The following NBEAL1 variants were observed in gnomAD, a reference collection of about 807,000 sequenced individuals.
NBEAL1 encodes neurobeachin like 1.
In NBEAL1, 273 loss-of-function variants were observed where a neutral mutation model predicts 351.3. That is an observed-to-expected ratio of 0.78 (90% confidence interval 0.70 to 0.86). The LOEUF is 0.86. NBEAL1 is among the 40% of genes least tolerant of loss of function. The pLI, the probability that NBEAL1 is intolerant of heterozygous loss-of-function variation, is 0.00. For missense variants in NBEAL1, 2,961 were observed against 3,201.3 expected (o/e 0.92, Z 1.81); for synonymous variants, 1,050 against 1,086.4 (o/e 0.97, Z 0.66).
At chr2:203,192,385 ATTT>A (rs753136759) in intron 46 of NBEAL1, among the ~76,000 whole-genome samples, 1 of 144,712 alleles carries the variant, frequency 6.9e-6, no homozygotes, top group African/African-American at 2.5e-5. Flanking sequence ...TTAAAAGATA[ATTT>A]TTTTTTTTTT....
Position 203,062,361 on chromosome 2 carries a change from G to T in NBEAL1, c.515+4908G>T. ...AAATCCAGCAACGCCCACTCCTGAGGGGTGAAGGTTACAGCCACATCCTCA... is the reference window on the plus strand; with the variant it reads ...AAATCCAGCAACGCCCACTCCTGAGTGGTGAAGGTTACAGCCACATCCTCA... On this transcript the variant is annotated intron_variant, in intron 6 of 55. Coordinates refer to ENST00000683969, the MANE Select transcript of NBEAL1 (RefSeq NM_001378026.1). This position sits in a 1 kb window ranked among gnomAD's most constrained non-coding sequence, Gnocchi z 4.2. 1 of 483,186 alleles carries T rather than the reference G, an allele frequency of 2.1e-6. No homozygotes were observed. Among genetic ancestry groups the T allele is most frequent in the South Asian group, 1.5e-5 (1 of 66,108 alleles). 29.9% of individuals were successfully genotyped at this position (483,186 alleles called of 1,614,324 possible).
At chr2:203,127,965 T>C (rs2062981120) in intron 24 of NBEAL1, 28 bp downstream of exon 24, 2 of 1,520,756 alleles carry the variant, frequency 1.3e-6, no homozygotes, top group Non-Finnish European at 1.8e-6. Flanking sequence ...CATCTACTTT[T>C]CCTTTTTAAC....
chr2:203,084,431 T>C, intron 9 of NBEAL1, 32 bp from the exon 10 acceptor site: 1 of 1,230,214 alleles, frequency 8.1e-7, no homozygotes, highest in Non-Finnish European at 1.1e-6. Context: ...ATTTTCATTT[T>C]TACATGGATG....
At chr2:203,096,934 G>T (rs1430993895) in intron 10 of NBEAL1, among the ~76,000 whole-genome samples, 2 of 152,070 alleles carry the variant, frequency 1.3e-5, no homozygotes, top group Non-Finnish European at 2.9e-5. Flanking sequence ...TTTTTTGTGT[G>T]TATTAGTCCA....
chr2:203,015,793 A>G (rs1046265347), intron 1 of NBEAL1: 1 of 152,544 alleles, frequency 6.6e-6, no homozygotes, highest in African/African-American at 2.4e-5. Context: ...GACCAGAACA[A>G]GAACATTCTA....
rs578112017 is a variant in NBEAL1 at position 203,206,812 on chromosome 2, C to T, written c.7507-1825C>T. Among the ~76,000 whole-genome samples the T allele has an allele frequency of 2.1e-3, 325 of 151,482 alleles. 4 individuals carry two copies. Among genetic ancestry groups the T allele is most frequent in the African/African-American group, 7.2e-3 (296 of 41,344 alleles). The stretch of plus-strand genomic sequence containing the variant: ...AGCCTGCCTTGGCCTCCCAAAGTGC[C>T]GAGATTGCAGCCTCTGCCCGGCCGC... On this transcript the variant is annotated intron_variant, in intron 51 of 55. Transcript: ENST00000683969.
chr2:203,054,323 G>C lies in NBEAL1; in HGVS notation c.306-2104G>C, dbSNP rs532621200. ...TGCTTGTAATCCCAGCTACTTGGGA[G>C]GCTGAGGTGGAAGAATCGCTTTAAC... On this transcript the variant is annotated intron_variant, in intron 4 of 55. Transcript: ENST00000683969. Among the ~76,000 whole-genome samples the C allele has an allele frequency of 2.6e-5, 4 of 152,064 alleles. No individual in the cohort carries two copies. The South Asian group carries it at 8.3e-4, about 32-fold the overall frequency.
At position 203,057,382 on chromosome 2, in the gene NBEAL1, T is replaced by A. The variant is rs376359222; in HGVS notation, c.444T>A (p.Phe148Leu). 1.3e-6 allele frequency: 2 copies of A among 1,552,686 alleles called. No individual in the cohort carries two copies. Among genetic ancestry groups the A allele is most frequent in the South Asian group, 2.4e-5 (2 of 84,214 alleles). Residue 148 changes from phenylalanine (F) to leucine (L), a missense_variant, in exon 6 of 56, where the codon TTT (phenylalanine) becomes TTA (leucine). By Grantham distance (22) the Phe-to-Leu change is conservative. Transcript: ENST00000683969. ...CAGATCAGACATGTATTGAAGAATTTGTGATCCACGCATTGGCATTTTGTG... is the reference window on the plus strand; with the variant it reads ...CAGATCAGACATGTATTGAAGAATTAGTGATCCACGCATTGGCATTTTGTG... ...EMADQTCIEE[F>L]VIHALAFCES...
At chr2:203,097,860 C>T (rs543614015) in intron 11 of NBEAL1, among the ~76,000 whole-genome samples, 10 of 152,180 alleles carry the variant, frequency 6.6e-5, no homozygotes, top group African/African-American at 1.9e-4. Context: ...ATTCCCTCTA[C>T]GTGTGTATGG....
rs188602544 is a variant in NBEAL1 at position 203,150,805 on chromosome 2, G to A, written c.5463-660G>A. Among the ~76,000 whole-genome samples, 555 of 152,124 alleles carry A rather than the reference G, an allele frequency of 3.6e-3. 1 individual carries two copies. Among genetic ancestry groups the A allele is most frequent in the Non-Finnish European group, 6.3e-3 (431 of 68,002 alleles). On this transcript the variant is annotated intron_variant, in intron 34 of 55. Transcript: ENST00000683969. ...ATTGGAAATATCAACCATCTGTATA[G>A]CTAATTAAGAACTCCCATTTAACAG...
At chr2:203,195,071 G>A (rs927567074) in intron 47 of NBEAL1, among the ~76,000 whole-genome samples, 2 of 151,612 alleles carry the variant, frequency 1.3e-5, no homozygotes, top group South Asian at 2.1e-4. Context: ...GGTGGTGGAC[G>A]CCTGTAGTCC....
Position 203,145,141 on chromosome 2 carries a change from A to G in NBEAL1, c.5285A>G (p.Glu1762Gly), listed in dbSNP as rs1225396747. 21 of 1,600,472 alleles carry G rather than the reference A, an allele frequency of 1.3e-5. No homozygotes were observed. The highest frequency in any genetic ancestry group is 2.7e-5 in the African/African-American group (2 of 74,084). The change falls in exon 33 of 56, where the codon GAA becomes GGA. Residue 1762 changes from glutamate (E) to glycine (G), a missense_variant. Glu to Gly is a moderately conservative substitution (Grantham distance 98). Coordinates refer to ENST00000683969, the MANE Select transcript of NBEAL1 (RefSeq NM_001378026.1). ...NMHKRDREGG[E>G]SKLKFQELFV... Reference sequence around the variant, plus strand: ...CATAAACGAGACCGGGAAGGAGGGGAAAGCAAGCTCAAATTTCAGGTAAAA... The same window carrying G: ...CATAAACGAGACCGGGAAGGAGGGGGAAGCAAGCTCAAATTTCAGGTAAAA...
intron 8 of NBEAL1, among the ~76,000 whole-genome samples, chr2:203,081,707 A>G (rs2061876211): frequency 6.6e-6 from 1 of 152,244 alleles, no homozygotes; most frequent in Non-Finnish European, 1.5e-5. Context: ...TCATGCTGCA[A>G]GATAGCTTCT....
chr2:203,032,728 C>T (rs1243439140), intron 2 of NBEAL1, among the ~76,000 whole-genome samples: 2 of 136,828 alleles, frequency 1.5e-5, no homozygotes, highest in Admixed American at 7.8e-5. Context: ...GCAATGGTGC[C>T]ATCTTGGCTC....
At chr2:203,187,369 T>TTG (rs1409344337) in intron 44 of NBEAL1, among the ~76,000 whole-genome samples, 2 of 148,328 alleles carry the variant, frequency 1.3e-5, no homozygotes, top group Non-Finnish European at 3.0e-5. Context: ...TTGCAATGGT[T>TTG]TTTTTTTTTT....
chr2:203,169,158 C>T (rs1575076100), intron 38 of NBEAL1, among the ~76,000 whole-genome samples: 2 of 151,854 alleles, frequency 1.3e-5, no homozygotes, highest in Non-Finnish European at 2.9e-5. Flanking sequence ...ACATACATAG[C>T]TTGATTTCAG....
intron 15 of NBEAL1, 82 bp downstream of exon 15, chr2:203,110,364 T>A: frequency 1.4e-6 from 2 of 1,430,522 alleles, no homozygotes; most frequent in Non-Finnish European, 1.9e-6. Context: ...ACAGCAGTCA[T>A]TTTTTTGCTA....
chr2:203,167,347 A>T lies in NBEAL1; in HGVS notation c.5984A>T (p.Asn1995Ile). Residue 1995 changes from asparagine (N) to isoleucine (I), a missense_variant, in exon 38 of 56, where the codon AAT becomes ATT. Transcript: ENST00000683969. Reference protein sequence around the residue: ...FHVDQSNYFLNFKKEVRNKIY... With the variant: ...FHVDQSNYFLIFKKEVRNKIY... ...GTTGACCAATCCAACTACTTTCTCA[A>T]TTTCAAAAAAGAGGTATGTATTATG... 6.2e-7 allele frequency: 1 copy of T among 1,608,818 alleles called. No homozygotes were observed. Among genetic ancestry groups the T allele is most frequent in the South Asian group, 1.1e-5 (1 of 89,836 alleles).
chr2:203,158,312 A>G (rs982032504), intron 36 of NBEAL1, among the ~76,000 whole-genome samples: 198 of 152,318 alleles, frequency 1.3e-3, no homozygotes, highest in African/African-American at 4.6e-3. Flanking sequence ...CTATATTAGG[A>G]TTGAAAGAGG....
Sources: allele counts gnomAD v4.1 joint callset (sites outside exome capture counted in the v4.1 genomes callset), GRCh38; gene constraint gnomAD v4.1.1; non-coding constraint Gnocchi (gnomAD v3.1); transcripts MANE v1.5; gene names NCBI Gene and HGNC (gene_info 2026-07-23, HGNC 2026-07-21).